CAT: variants seen among roughly 807,000 people sequenced by gnomAD.
The protein encoded by CAT is catalase.
Under a neutral mutation model 59.0 loss-of-function variants are expected in CAT, and 43 were observed. The observed-to-expected ratio is 0.73, with a 90% CI of 0.57 to 0.94. The LOEUF is 0.94. Among genes scored for constraint, CAT ranks in the 40% least tolerant of loss-of-function variants. The pLI, the probability that CAT is intolerant of heterozygous loss-of-function variation, is 0.00. For missense variants in CAT, 664 were observed against 682.9 expected, an observed-to-expected ratio of 0.97 and a Z score of 0.31; for synonymous variants, 218 against 230.9, an observed-to-expected ratio of 0.94 and a Z score of 0.51.
intron 10 of CAT, among the ~76,000 whole-genome samples, chr11:34,466,204 C>T (rs1856713342): frequency 6.6e-6 from 1 of 152,234 alleles, no homozygotes; most frequent in Non-Finnish European, 1.5e-5. Flanking sequence ...TGCTCAGTCT[C>T]AGATTGGATT....
chr11:34,463,129 T>C (rs890846004), intron 9 of CAT, among the ~76,000 whole-genome samples: 5 of 152,162 alleles, frequency 3.3e-5, no homozygotes, highest in Non-Finnish European at 7.3e-5. Flanking sequence ...ATTGGTTTGC[T>C]CAAACCACTT....
At chr11:34,469,363 C>T (rs1348240569) in intron 11 of CAT, among the ~76,000 whole-genome samples, 3 of 152,146 alleles carry the variant, frequency 2.0e-5, no homozygotes, top group Non-Finnish European at 4.4e-5. Flanking sequence ...AATAGCAGAA[C>T]TGGGCTGGAA....
chr11:34,453,625 T>C (rs1344106971), intron 5 of CAT, among the ~76,000 whole-genome samples, 176 bp from the exon 6 acceptor site: 1 of 152,208 alleles, frequency 6.6e-6, no homozygotes, highest in African/African-American at 2.4e-5. Context: ...TGATTTAAAA[T>C]TTTTCTGTTT....
In CAT at chr11:34,470,992, G is replaced by A. The variant is rs1355670150; in HGVS notation, c.1469G>A (p.Gly490Glu). Residue 490 changes from glycine (G) to glutamate (E), a missense_variant, in exon 12 of 13, where the codon GGG (glycine) becomes GAG (glutamate). Gly to Glu is a moderately conservative substitution (Grantham distance 98). Transcript: ENST00000241052. ...KNFTEVHPDYGSHIQALLDKY... is the reference protein window; with the variant it reads ...KNFTEVHPDYESHIQALLDKY... ...TTCACTGAGGTCCACCCTGACTACG[G>A]GAGCCACATCCAGGCTCTTCTGGAC... The A allele has an allele frequency of 6.2e-7, 1 of 1,614,062 alleles. No individual in the cohort carries two copies. The highest frequency in any genetic ancestry group is 2.2e-5 in the East Asian group (1 of 44,902).
intron 1 of CAT, among the ~76,000 whole-genome samples, chr11:34,439,924 A>G (rs1275694761): frequency 6.6e-6 from 1 of 152,150 alleles, no homozygotes; most frequent in Non-Finnish European, 1.5e-5. Context: ...TTGAACAGGA[A>G]TTTTTTTAAA....
At chr11:34,447,259 A>G (rs1035180645) in intron 1 of CAT, among the ~76,000 whole-genome samples, 8 of 152,076 alleles carry the variant, frequency 5.3e-5, no homozygotes, top group African/African-American at 1.7e-4. Flanking sequence ...TCTATCAGAC[A>G]TCTCTAGGGG....
intron 7 of CAT, 97 bp from the exon 8 acceptor site, chr11:34,456,568 A>G (rs1856592217): frequency 5.1e-6 from 6 of 1,165,720 alleles, no homozygotes; most frequent in Non-Finnish European, 7.8e-6. Context: ...AATTATTTTC[A>G]TTGGCTTGAT....
At chr11:34,449,171 T>C in intron 1 of CAT, 21 bp from the exon 2 acceptor site, 1 of 1,612,168 alleles carries the variant, frequency 6.2e-7, no homozygotes, top group South Asian at 1.1e-5. Context: ...TCTCCTGCAC[T>C]TTCTTTCTGT....
intron 8 of CAT, among the ~76,000 whole-genome samples, chr11:34,457,941 G>A (rs1489917432): frequency 6.6e-6 from 1 of 152,194 alleles, no homozygotes. Context: ...ATGACATTGG[G>A]GAACATCTGA....
At position 34,456,025 on chromosome 11, in the gene CAT, C is replaced by A. The variant is rs17886350; in HGVS notation, c.726C>A (p.Ile242=). Residue 242 remains isoleucine, a synonymous_variant, in exon 7 of 13, where the codon ATC becomes ATA. Coordinates refer to ENST00000241052, the MANE Select transcript of CAT (RefSeq NM_001752.4). ...TCATTTTGTAGACTGACCAGGGCAT[C>A]AAAAACCTTTCTGTTGAAGATGCGG... ...CKFHYKTDQG[I]KNLSVEDAAR... 1.6e-4 allele frequency: 259 copies of A among 1,613,994 alleles called. No individual in the cohort carries two copies. The African/African-American group carries it at 3.0e-3, about 19-fold the overall frequency.
chr11:34,453,281 G>C, intron 5 of CAT, 87 bp downstream of exon 5: 3 of 880,400 alleles, frequency 3.4e-6, no homozygotes, highest in Admixed American at 3.4e-5. Flanking sequence ...TCCAGTTTTG[G>C]CTATTTTATT....
At chr11:34,466,780 CAAAAAAAAAAAAA>C (rs71457350) in intron 10 of CAT, among the ~76,000 whole-genome samples, 1 of 41,142 alleles carries the variant, frequency 2.4e-5, no homozygotes. Context: ...GACTCCGTCT[CAAAAAAAAAAAAA>C]AAAAAAAAAA....
chr11:34,446,631 C>T (rs1215443459), intron 1 of CAT, among the ~76,000 whole-genome samples: 2 of 152,208 alleles, frequency 1.3e-5, no homozygotes, highest in Admixed American at 1.3e-4. Context: ...GGGGCAGCTC[C>T]CTCCCCACGT....
At chr11:34,461,475 G>C in intron 9 of CAT, 86 bp downstream of exon 9, 1 of 1,508,528 alleles carries the variant, frequency 6.6e-7, no homozygotes. Flanking sequence ...TGGCTCTCAA[G>C]CTGGCCCCGC....
intron 11 of CAT, chr11:34,470,619 C>T (rs1856763111): frequency 1.7e-5 from 6 of 353,276 alleles, no homozygotes; most frequent in South Asian, 9.2e-5. Flanking sequence ...ACAGTACATT[C>T]GAAGGGTTTT....
At chr11:34,464,630 C>T (rs1476496580) in intron 10 of CAT, among the ~76,000 whole-genome samples, 4 of 152,036 alleles carry the variant, frequency 2.6e-5, no homozygotes, top group South Asian at 4.1e-4. Flanking sequence ...CCAGGAGCCT[C>T]GGCCACAAGA....
chr11:34,464,341 A>T, intron 10 of CAT, 106 bp downstream of exon 10: 2 of 1,166,482 alleles, frequency 1.7e-6, no homozygotes, highest in Middle Eastern at 2.1e-4. Context: ...GATGTATCTT[A>T]AATTGAATTC....
intron 1 of CAT, among the ~76,000 whole-genome samples, chr11:34,445,076 G>A (rs994568157): frequency 2.6e-5 from 4 of 152,106 alleles, no homozygotes; most frequent in Admixed American, 6.5e-5. Flanking sequence ...ATATTGGTCC[G>A]TGGTTTAGTT....
At chr11:34,466,471 A>T (rs1004617452) in intron 10 of CAT, among the ~76,000 whole-genome samples, 1 of 152,184 alleles carries the variant, frequency 6.6e-6, no homozygotes, top group Non-Finnish European at 1.5e-5. Flanking sequence ...AAAATGACTG[A>T]TTAATAGGTT....
Sources: gnomAD v4.1 joint callset for allele counts (sites outside exome capture counted in the v4.1 genomes callset) on GRCh38, gnomAD v4.1.1 for gene constraint, MANE v1.5 for transcripts, NCBI Gene and HGNC (gene_info 2026-07-23, HGNC 2026-07-21) for gene names.